Variants in DLC1 observed in about 807,000 individuals in gnomAD.
DLC1 encodes rho GTPase-activating protein 7.
In DLC1, 54 loss-of-function variants were observed where a neutral mutation model predicts 140.3. The ratio of observed to expected loss-of-function variants is 0.38; its 90% confidence interval spans 0.31 to 0.48. DLC1 has a LOEUF of 0.48. Among genes scored for constraint, DLC1 ranks in the 20% least tolerant of loss-of-function variants. The pLI is 0.96. For synonymous variants in DLC1, 986 were observed against 728.1 expected (o/e 1.35, Z -5.70); for missense variants, 2,536 against 1,907.0 (o/e 1.33, Z -6.14).
At chr8:13,496,306 AG>A (rs1370191524) in intron 2 of DLC1, among the ~76,000 whole-genome samples, 2 of 152,316 alleles carry the variant, frequency 1.3e-5, no homozygotes, top group African/African-American at 4.8e-5. Flanking sequence ...TGCAGATAAA[AG>A]GTTGTTTTGT....
chr8:13,564,394 C>T (rs559124617), intron 1 of DLC1, among the ~76,000 whole-genome samples: 1 of 152,190 alleles, frequency 6.6e-6, no homozygotes, highest in African/African-American at 2.4e-5. Context: ...CCTAGGAGAA[C>T]AGCTAAACAT....
intron 5 of DLC1, among the ~76,000 whole-genome samples, chr8:13,269,119 C>T (rs1830815787): frequency 6.6e-6 from 1 of 152,008 alleles, no homozygotes; most frequent in African/African-American, 2.4e-5. Flanking sequence ...GTGATCTGCC[C>T]GCCTCAGCCT....
Position 13,118,010 on chromosome 8 carries a change from T to C in DLC1, c.1349-2353A>G, listed in dbSNP as rs1025033523. ...CTGTCTTCTTGTTCTCTTTCTTTTT[T>C]TTTTTTTTTTTTTTTTTGAGACAGA... On this transcript the variant is annotated intron_variant, in intron 5 of 17. Coordinates refer to ENST00000276297, the MANE Select transcript of DLC1 (RefSeq NM_182643.3). Among the ~76,000 whole-genome samples the C allele has an allele frequency of 8.2e-3, 171 of 20,796 alleles. 3 individuals carry two copies. In the East Asian group the frequency reaches 0.27, roughly 33 times the overall value. The allele number at this position is 20,796 out of a possible 152,430, so 13.6% of individuals were successfully genotyped here. A position where few individuals can be genotyped will look rare whatever the true frequency, so the allele number is the denominator to read the frequency against.
intron 5 of DLC1, among the ~76,000 whole-genome samples, chr8:13,129,229 A>G (rs1002400543): frequency 7.9e-5 from 12 of 152,354 alleles, no homozygotes; most frequent in African/African-American, 2.6e-4. Context: ...TCCTTCAAAG[A>G]GGAACAGCCT....
At chr8:13,118,412 C>A (rs1337958359) in intron 5 of DLC1, among the ~76,000 whole-genome samples, 1 of 152,010 alleles carries the variant, frequency 6.6e-6, no homozygotes, top group Non-Finnish European at 1.5e-5. Flanking sequence ...TCTTCTTCAC[C>A]CTAAAAAAAA....
intron 1 of DLC1, among the ~76,000 whole-genome samples, chr8:13,565,644 A>T (rs888982228): frequency 6.6e-6 from 1 of 152,162 alleles, no homozygotes; most frequent in Non-Finnish European, 1.5e-5. Context: ...CATTTGGGGA[A>T]TATATCTGGC....
intron 4 of DLC1, among the ~76,000 whole-genome samples, chr8:13,336,811 A>G (rs1426423606): frequency 6.6e-6 from 1 of 152,156 alleles, no homozygotes; most frequent in Non-Finnish European, 1.5e-5. Flanking sequence ...ATGCCACCCA[A>G]ATATAAATGG....
At chr8:13,298,814 A>G (rs1057192805) in intron 5 of DLC1, among the ~76,000 whole-genome samples, 1 of 152,204 alleles carries the variant, frequency 6.6e-6, no homozygotes, top group African/African-American at 2.4e-5. Context: ...CATCTGCATC[A>G]AGCAATATAC....
intron 5 of DLC1, among the ~76,000 whole-genome samples, chr8:13,230,628 A>G (rs1653040): frequency 0.72 from 104,257 of 144,694 alleles, 37,888 homozygotes; most frequent in East Asian, 0.92. Flanking sequence ...ATGGGGTCTC[A>G]CTCTGTAGCC....
chr8:13,141,246 G>T, intron 5 of DLC1, among the ~76,000 whole-genome samples: 1 of 71,316 alleles, frequency 1.4e-5, no homozygotes, highest in South Asian at 6.2e-4. Flanking sequence ...CACAGTGCAA[G>T]AGTCTGTCTC....
chr8:13,202,093 G>A (rs535266193), intron 5 of DLC1, among the ~76,000 whole-genome samples: 13 of 151,738 alleles, frequency 8.6e-5, no homozygotes, highest in South Asian at 6.3e-4. Flanking sequence ...CTACCAGTGC[G>A]CGCCAAAACG....
chr8:13,217,531 T>C (rs1211130257), intron 5 of DLC1, among the ~76,000 whole-genome samples: 2 of 152,124 alleles, frequency 1.3e-5, no homozygotes, highest in African/African-American at 2.4e-5. Flanking sequence ...CTCTGTCATA[T>C]TCATTTATAA....
At chr8:13,536,096 T>G (rs1803271236) in intron 1 of DLC1, 1 of 152,170 alleles carries the variant, frequency 6.6e-6, no homozygotes, top group South Asian at 2.1e-4. Flanking sequence ...CTGGTTAGTA[T>G]TTGGATGGGA....
At chr8:13,297,511 C>T (rs1266917998) in intron 5 of DLC1, among the ~76,000 whole-genome samples, 1 of 151,850 alleles carries the variant, frequency 6.6e-6, no homozygotes, top group African/African-American at 2.4e-5. Flanking sequence ...CTACATTTGG[C>T]TTTGGGAATG....
At chr8:13,136,973 A>G (rs538808492) in intron 5 of DLC1, among the ~76,000 whole-genome samples, 1 of 152,372 alleles carries the variant, frequency 6.6e-6, no homozygotes, top group South Asian at 2.1e-4. Context: ...AAAATAATGT[A>G]CATAAGTGCT....
intron 1 of DLC1, among the ~76,000 whole-genome samples, chr8:13,560,298 A>T (rs983573476): frequency 6.6e-6 from 1 of 152,178 alleles, no homozygotes; most frequent in Non-Finnish European, 1.5e-5. Flanking sequence ...ACTTTCACTT[A>T]TTTTCAAATA....
At chr8:13,509,205 A>G (rs1392549869) in intron 1 of DLC1, among the ~76,000 whole-genome samples, 1 of 152,218 alleles carries the variant, frequency 6.6e-6, no homozygotes, top group East Asian at 1.9e-4. Flanking sequence ...TATCATTTCT[A>G]AGAACACTCC....
chr8:13,230,927 C>G (rs191144342), intron 5 of DLC1, among the ~76,000 whole-genome samples: 1 of 152,112 alleles, frequency 6.6e-6, no homozygotes, highest in East Asian at 1.9e-4. Flanking sequence ...ATGGGATTTT[C>G]AGGATTGCTT....
intron 5 of DLC1, among the ~76,000 whole-genome samples, chr8:13,169,829 A>G (rs1825341752): frequency 6.6e-6 from 1 of 151,760 alleles, no homozygotes; most frequent in African/African-American, 2.4e-5. Flanking sequence ...GTTTGAGAGC[A>G]GCATGGGCAA....
Sources: gnomAD v4.1 joint callset for allele counts (sites outside exome capture counted in the v4.1 genomes callset) on GRCh38, gnomAD v4.1.1 for gene constraint, MANE v1.5 for transcripts, NCBI Gene and HGNC (gene_info 2026-07-23, HGNC 2026-07-21) for gene names.